Variants in ARSB observed in about 807,000 individuals in gnomAD.
ARSB encodes the protein N-acetylgalactosamine-4-sulfatase.
ARSB carries 41 observed loss-of-function variants against 50.9 expected under a neutral mutation model. The observed-to-expected ratio is 0.81, with a 90% CI of 0.63 to 1.04. The LOEUF (loss-of-function observed/expected upper bound fraction) is 1.04. Ranked by LOEUF, ARSB falls within the 50% of genes least tolerant of loss-of-function variation. The pLI, the probability that ARSB is intolerant of heterozygous loss-of-function variation, is 0.00. For synonymous variants in ARSB, 269 were observed against 284.8 expected (o/e 0.94, Z 0.56); for missense variants, 672 against 693.3 (o/e 0.97, Z 0.35).
intron 6 of ARSB, among the ~76,000 whole-genome samples, chr5:78,829,523 C>G (rs970728169): frequency 6.6e-6 from 1 of 152,102 alleles, no homozygotes; most frequent in African/African-American, 2.4e-5. Context: ...CATATGTTTT[C>G]CTCTGATTCA....
chr5:78,832,503 A>C (rs529858986), intron 6 of ARSB, among the ~76,000 whole-genome samples: 5 of 152,152 alleles, frequency 3.3e-5, no homozygotes, highest in Non-Finnish European at 7.4e-5. Context: ...TTACTGAATA[A>C]ACAATCTTGG....
intron 4 of ARSB, among the ~76,000 whole-genome samples, chr5:78,920,039 A>G (rs1749728339): frequency 7.1e-6 from 1 of 141,194 alleles, no homozygotes; most frequent in Admixed American, 7.4e-5. Context: ...ATGCATTTTC[A>G]GGGAAAAAAA....
chr5:78,920,778 C>T (rs1749773862), intron 4 of ARSB, among the ~76,000 whole-genome samples: 1 of 152,210 alleles, frequency 6.6e-6, no homozygotes, highest in African/African-American at 2.4e-5. Context: ...GCCAGAACCT[C>T]TGGCTCACAT....
chr5:78,820,014 C>T (rs1329694840), intron 6 of ARSB, among the ~76,000 whole-genome samples: 2 of 152,236 alleles, frequency 1.3e-5, no homozygotes, highest in Admixed American at 6.5e-5. Context: ...GGGCTCCACC[C>T]TCATGGATAG....
intron 6 of ARSB, among the ~76,000 whole-genome samples, chr5:78,835,383 G>C (rs1265658568): frequency 6.6e-6 from 1 of 152,140 alleles, no homozygotes; most frequent in East Asian, 1.9e-4. Flanking sequence ...TGTGGTGCTA[G>C]GCAGAGGGCA....
chr5:78,789,173 A>G, intron 6 of ARSB, among the ~76,000 whole-genome samples: 1 of 152,250 alleles, frequency 6.6e-6, no homozygotes, highest in East Asian at 1.9e-4. Context: ...TTTCATAACA[A>G]TGCAATTTAT....
chr5:78,965,696 T>C (rs1330256455), intron 2 of ARSB, among the ~76,000 whole-genome samples: 1 of 152,236 alleles, frequency 6.6e-6, no homozygotes, highest in African/African-American at 2.4e-5. Context: ...TGACATATAC[T>C]GCTTATTAAC....
intron 6 of ARSB, among the ~76,000 whole-genome samples, chr5:78,813,063 TCTTC>T (rs112439151): frequency 6.6e-6 from 1 of 151,742 alleles, no homozygotes; most frequent in Non-Finnish European, 1.5e-5. Flanking sequence ...TAAGTAAATT[TCTTC>T]CTTCCTTCCT....
intron 4 of ARSB, among the ~76,000 whole-genome samples, chr5:78,927,736 G>A (rs1750118710): frequency 6.6e-6 from 1 of 152,142 alleles, no homozygotes; most frequent in Non-Finnish European, 1.5e-5. Flanking sequence ...AGGCAGCTTT[G>A]AACCAGAGGA....
At chr5:78,917,422 T>A (rs1413227067) in intron 4 of ARSB, among the ~76,000 whole-genome samples, 1 of 152,070 alleles carries the variant, frequency 6.6e-6, no homozygotes, top group Middle Eastern at 3.2e-3. Context: ...CATGCCCATC[T>A]GAAGTCATTT....
At chr5:78,806,310 G>A (rs1276763000) in intron 6 of ARSB, among the ~76,000 whole-genome samples, 1 of 152,344 alleles carries the variant, frequency 6.6e-6, no homozygotes. Flanking sequence ...GTCATAGGCT[G>A]TTAATATGTA....
chr5:78,866,942 C>T (rs892715644), intron 5 of ARSB, among the ~76,000 whole-genome samples: 4 of 152,260 alleles, frequency 2.6e-5, no homozygotes, highest in East Asian at 1.9e-4. Context: ...AGACAGTGGG[C>T]GCAGGCCAGT....
At chr5:78,820,729 T>G (rs1744180516) in intron 6 of ARSB, among the ~76,000 whole-genome samples, 1 of 152,156 alleles carries the variant, frequency 6.6e-6, no homozygotes, top group African/African-American at 2.4e-5. Flanking sequence ...GGCTGTTCTG[T>G]GCATTGTGGG....
intron 5 of ARSB, among the ~76,000 whole-genome samples, chr5:78,872,281 A>G (rs1414474335): frequency 1.3e-5 from 2 of 151,784 alleles, no homozygotes; most frequent in Admixed American, 6.6e-5. Flanking sequence ...ATCCAGAACT[A>G]GAAATACCAT....
chr5:78,838,414 C>T (rs1212961218), intron 6 of ARSB, among the ~76,000 whole-genome samples: 2 of 152,142 alleles, frequency 1.3e-5, no homozygotes, highest in African/African-American at 2.4e-5. Context: ...GCTGGCCGGG[C>T]AAGTGGGGCC....
At chr5:78,794,359 C>CATGAAATA (rs1743100728) in intron 6 of ARSB, among the ~76,000 whole-genome samples, 1 of 152,068 alleles carries the variant, frequency 6.6e-6, no homozygotes. Context: ...CAATAGTCTT[C>CATGAAATA]AAGTGCACAA....
intron 6 of ARSB, among the ~76,000 whole-genome samples, chr5:78,786,938 T>C (rs563294248): frequency 6.6e-6 from 1 of 152,014 alleles, no homozygotes; most frequent in Non-Finnish European, 1.5e-5. Flanking sequence ...GATATCTCAG[T>C]TGTCTCCAGA....
At chr5:78,877,970 G>T in intron 5 of ARSB, among the ~76,000 whole-genome samples, 1 of 152,176 alleles carries the variant, frequency 6.6e-6, no homozygotes, top group East Asian at 1.9e-4. Flanking sequence ...AAGCTACAAT[G>T]TGTGAGATGA....
intron 6 of ARSB, among the ~76,000 whole-genome samples, chr5:78,799,740 G>A (rs769503142): frequency 6.6e-6 from 1 of 152,198 alleles, no homozygotes; most frequent in Non-Finnish European, 1.5e-5. Flanking sequence ...ACTAGAGGAT[G>A]GTACCCTACA....
Sources: allele counts gnomAD v4.1 joint callset (sites outside exome capture counted in the v4.1 genomes callset), GRCh38; gene constraint gnomAD v4.1.1; transcripts MANE v1.5; gene names NCBI Gene and HGNC (gene_info 2026-07-23, HGNC 2026-07-21).